The following EXOC4 variants were observed in gnomAD, a reference collection of about 807,000 sequenced individuals.
The protein encoded by EXOC4 is SEC8-like 1.
In EXOC4, 71 loss-of-function variants were observed where a neutral mutation model predicts 107.2. The observed-to-expected ratio is 0.66, with a 90% CI of 0.55 to 0.81. The LOEUF is 0.81. Ranked by LOEUF, EXOC4 falls within the 30% of genes least tolerant of loss-of-function variation. EXOC4 has a pLI of 0.00. For missense variants in EXOC4, 1,108 were observed against 1,189.6 expected, an observed-to-expected ratio of 0.93 and a Z score of 1.01; for synonymous variants, 456 against 441.2, an observed-to-expected ratio of 1.03 and a Z score of -0.42.
At chr7:133,299,952 C>T (rs1196082236) in intron 3 of EXOC4, among the ~76,000 whole-genome samples, 1 of 152,130 alleles carries the variant, frequency 6.6e-6, no homozygotes, top group Non-Finnish European at 1.5e-5. Context: ...CAACTAATAA[C>T]AACCCCTCAT....
chr7:133,997,578 A>G lies in EXOC4; in HGVS notation c.2293A>G (p.Lys765Glu). ...QIMQTLSELA[K>E]SFQDMADRCL... ...CATGCAGACTCTCAGTGAACTTGCC[A>G]AATCGTTCCAGGATATGGCTGACCG... is the stretch of plus-strand genomic sequence containing the variant. Residue 765 changes from lysine to glutamate, a missense_variant, in exon 15 of 18, where the codon AAA (lysine) becomes GAA (glutamate). Lys to Glu is a moderately conservative substitution (Grantham distance 56). Transcript: ENST00000253861. 6.2e-7 allele frequency: 1 copy of G among 1,613,712 alleles called. No homozygotes were observed. Among genetic ancestry groups the G allele is most frequent in the Non-Finnish European group, 8.5e-7 (1 of 1,179,778 alleles).
At chr7:133,517,215 G>T (rs1799893899) in intron 9 of EXOC4, among the ~76,000 whole-genome samples, 1 of 152,060 alleles carries the variant, frequency 6.6e-6, no homozygotes, top group South Asian at 2.1e-4. Flanking sequence ...GTAGGGTTGG[G>T]AAGGAGGATT....
intron 17 of EXOC4, among the ~76,000 whole-genome samples, chr7:134,056,389 A>T (rs1795924654): frequency 6.6e-6 from 1 of 152,246 alleles, no homozygotes; most frequent in African/African-American, 2.4e-5. Context: ...AAATCACAGA[A>T]CAAGAGGGTA....
intron 10 of EXOC4, among the ~76,000 whole-genome samples, chr7:133,815,622 C>T (rs1045658447): frequency 6.6e-6 from 1 of 152,140 alleles, no homozygotes; most frequent in Admixed American, 6.5e-5. Context: ...GAGTTTGGCT[C>T]GGTTGCCAGC....
chr7:133,728,800 C>G lies in EXOC4; in HGVS notation c.1515-88525C>G, dbSNP rs147519364. Among the ~76,000 whole-genome samples, 370 of 152,266 alleles carry G rather than the reference C, an allele frequency of 2.4e-3. 1 individual carries two copies. Among genetic ancestry groups the G allele is most frequent in the Middle Eastern group, 6.8e-3 (2 of 294 alleles). On this transcript the variant is annotated intron_variant, in intron 10 of 17. Coordinates refer to ENST00000253861, the MANE Select transcript of EXOC4 (RefSeq NM_021807.4). ...CAGACACTCCAACACATGATCTTTT[C>G]TCTAGCATCCCTTCATCTTGAATTT... is the stretch of plus-strand genomic sequence containing the variant.
chr7:133,378,417 A>C (rs950216918), intron 7 of EXOC4, among the ~76,000 whole-genome samples: 2 of 144,574 alleles, frequency 1.4e-5, no homozygotes, highest in African/African-American at 2.5e-5. Flanking sequence ...ATATGTGGAC[A>C]AAAAAAAAAA....
intron 9 of EXOC4, among the ~76,000 whole-genome samples, chr7:133,539,334 G>A (rs960288578): frequency 6.6e-6 from 1 of 150,698 alleles, no homozygotes; most frequent in Non-Finnish European, 1.5e-5. Context: ...TTATTTTATT[G>A]TCTGACAAAA....
chr7:133,953,272 T>C (rs923001194), intron 14 of EXOC4, among the ~76,000 whole-genome samples: 1 of 152,084 alleles, frequency 6.6e-6, no homozygotes, highest in African/African-American at 2.4e-5. Context: ...TCATTACTTC[T>C]TAGCACCTCT....
chr7:133,927,865 A>C (rs2116683874), intron 13 of EXOC4, among the ~76,000 whole-genome samples: 1 of 152,356 alleles, frequency 6.6e-6, no homozygotes, highest in South Asian at 2.1e-4. Context: ...CTGGAGACTC[A>C]GCTGCAAACA....
chr7:133,964,343 A>G (rs1196823901), intron 14 of EXOC4, among the ~76,000 whole-genome samples: 1 of 151,288 alleles, frequency 6.6e-6, no homozygotes, highest in Non-Finnish European at 1.5e-5. Context: ...TCTTCTTTCT[A>G]TATACTTTAA....
chr7:133,433,078 A>T (rs375617377), intron 7 of EXOC4, among the ~76,000 whole-genome samples: 1 of 152,238 alleles, frequency 6.6e-6, no homozygotes, highest in Non-Finnish European at 1.5e-5. Flanking sequence ...AGTAGTATCA[A>T]TGGCAGACTT....
intron 9 of EXOC4, among the ~76,000 whole-genome samples, chr7:133,516,134 AC>A (rs1486173535): frequency 6.6e-6 from 1 of 152,192 alleles, no homozygotes; most frequent in Admixed American, 6.5e-5. Context: ...TGTCACCACT[AC>A]AAGGTTTTGG....
chr7:133,311,321 T>A (rs1794865974), intron 4 of EXOC4, among the ~76,000 whole-genome samples: 1 of 152,054 alleles, frequency 6.6e-6, no homozygotes, highest in Non-Finnish European at 1.5e-5. Flanking sequence ...CAAAAATAAA[T>A]TTTTTTAAAG....
intron 9 of EXOC4, among the ~76,000 whole-genome samples, chr7:133,488,035 A>G (rs1799303520): frequency 2.0e-5 from 3 of 152,174 alleles, no homozygotes; most frequent in Non-Finnish European, 2.9e-5. Flanking sequence ...AATTATTAGA[A>G]ACAGATGAAA....
At chr7:133,776,794 A>G (rs1044426112) in intron 10 of EXOC4, among the ~76,000 whole-genome samples, 4 of 152,194 alleles carry the variant, frequency 2.6e-5, no homozygotes, top group African/African-American at 4.8e-5. Context: ...TGATCTTAAC[A>G]AAGTATGATT....
chr7:133,652,432 A>G (rs1803182222), intron 10 of EXOC4, among the ~76,000 whole-genome samples: 1 of 139,154 alleles, frequency 7.2e-6, no homozygotes, highest in Admixed American at 8.1e-5. Flanking sequence ...TACTAAACAC[A>G]GCAATATTTT....
Position 133,997,729 on chromosome 7 carries a change from C to T in EXOC4, c.2348+96C>T, listed in dbSNP as rs147178629. ...CAGGCAGTATCACCATAATTTCTGGCTCATATTATTGATGTTATCCCTTTT... is the reference window on the plus strand; with the variant it reads ...CAGGCAGTATCACCATAATTTCTGGTTCATATTATTGATGTTATCCCTTTT... On this transcript the variant is annotated intron_variant, in intron 15 of 17. Transcript: ENST00000253861. 3,700 of 1,386,694 alleles carry T rather than the reference C, an allele frequency of 2.7e-3. 7 individuals are homozygous for T. Among genetic ancestry groups the T allele is most frequent in the Non-Finnish European group, 3.3e-3 (3,351 of 1,016,108 alleles). The allele number at this position is 1,386,694 out of a possible 1,614,324, so 85.9% of individuals were successfully genotyped here.
chr7:133,353,630 C>T (rs987970093), intron 5 of EXOC4, among the ~76,000 whole-genome samples: 1 of 151,456 alleles, frequency 6.6e-6, no homozygotes, highest in African/African-American at 2.4e-5. Flanking sequence ...CTTTGAGTTC[C>T]TCTCACTTGG....
Position 133,485,102 on chromosome 7 carries a change from T to TA in EXOC4, c.1417+4967dup, listed in dbSNP as rs1563083535. 5.2e-5 allele frequency among the ~76,000 whole-genome samples: 7 copies of TA among 133,426 alleles called. No individual in the cohort carries two copies. The East Asian group carries it at 1.1e-3, about 21-fold the overall frequency. 87.5% of individuals were successfully genotyped at this position (133,426 alleles called of 152,430 possible). The stretch of plus-strand genomic sequence containing the variant: ...CTCAAAAAATAAATAAATAAATAAA[T>TA]AAATAAATAAATAAATAATTAAATA... On this transcript the variant is annotated intron_variant, in intron 9 of 17. Coordinates refer to ENST00000253861, the MANE Select transcript of EXOC4 (RefSeq NM_021807.4).
Sources: gnomAD v4.1 joint callset for allele counts (sites outside exome capture counted in the v4.1 genomes callset) on GRCh38, gnomAD v4.1.1 for gene constraint, MANE v1.5 for transcripts, NCBI Gene and HGNC (gene_info 2026-07-23, HGNC 2026-07-21) for gene names.